The following SATB2 variants were observed in gnomAD, a reference collection of about 807,000 sequenced individuals.
SATB2 encodes SATB homeobox 2.
Under a neutral mutation model 73.4 loss-of-function variants are expected in SATB2, and 1 was observed. The observed-to-expected ratio is 0.01, with a 90% CI of 0.00 to 0.06. SATB2 has a LOEUF of 0.06. Ranked by LOEUF, SATB2 falls within the 10% of genes least tolerant of loss-of-function variation. SATB2 has a pLI of 1.00. For synonymous variants in SATB2, 397 were observed against 367.0 expected (o/e 1.08, Z -0.93); for missense variants, 459 against 945.8 (o/e 0.49, Z 6.75).
At chr2:199,440,417 T>C (rs749998104) in intron 2 of SATB2, among the ~76,000 whole-genome samples, 3 of 152,224 alleles carry the variant, frequency 2.0e-5, no homozygotes, top group East Asian at 1.9e-4. Context: ...AATGGTTTAG[T>C]GTTCTCCTTA....
chr2:199,281,213 G>A (rs940608768), intron 10 of SATB2, among the ~76,000 whole-genome samples: 2 of 150,872 alleles, frequency 1.3e-5, no homozygotes, highest in African/African-American at 4.9e-5. Flanking sequence ...CAGCCTGGGT[G>A]ACAGAGCAAG....
chr2:199,279,286 T>G (rs1003877463), intron 10 of SATB2, among the ~76,000 whole-genome samples: 1 of 152,226 alleles, frequency 6.6e-6, no homozygotes, highest in Non-Finnish European at 1.5e-5. Flanking sequence ...AAAGACCTAA[T>G]GGTACCATGA....
upstream of SATB2, chr2:199,458,688 CT>C (rs1692375822): frequency 2.3e-6 from 1 of 442,632 alleles, no homozygotes; most frequent in Non-Finnish European, 4.5e-6. Flanking sequence ...GCTGCCTCGG[CT>C]CCCAGCTCTG....
chr2:199,321,521 CATATACAT>C (rs1411172169), intron 9 of SATB2, among the ~76,000 whole-genome samples: 5 of 150,476 alleles, frequency 3.3e-5, no homozygotes, highest in South Asian at 2.1e-4. Flanking sequence ...TATATACACA[CATATACAT>C]ATATACATAT....
chr2:199,339,447 C>T (rs1288733155), intron 7 of SATB2, among the ~76,000 whole-genome samples: 1 of 152,114 alleles, frequency 6.6e-6, no homozygotes, highest in African/African-American at 2.4e-5. Flanking sequence ...ATTTAATGTT[C>T]TGAAATCAAA....
At chr2:199,332,118 TA>T (rs1688206786) in intron 7 of SATB2, among the ~76,000 whole-genome samples, 1 of 152,166 alleles carries the variant, frequency 6.6e-6, no homozygotes, top group Non-Finnish European at 1.5e-5. Flanking sequence ...TTAACCAGGA[TA>T]TAGCTTATTA....
In SATB2 at chr2:199,333,505, G is replaced by A. The variant is rs966779184; in HGVS notation, c.1174-4595C>T. Among the ~76,000 whole-genome samples the A allele has an allele frequency of 7.2e-5, 11 of 152,060 alleles. No individual in the cohort carries two copies. In the East Asian group the frequency reaches 1.9e-3, roughly 27 times the overall value. ...AATATTGGGCAGCGTGTGAAGCTGG[G>A]GAGTATTAGAACATTTGAAGAAAGC... On this transcript the variant is annotated intron_variant, in intron 7 of 10. Transcript: ENST00000417098.
At chr2:199,332,910 G>C (rs1017238692) in intron 7 of SATB2, among the ~76,000 whole-genome samples, 2 of 152,208 alleles carry the variant, frequency 1.3e-5, no homozygotes, top group Middle Eastern at 3.4e-3. Context: ...CCCTGGAAGA[G>C]AGCAATAAGA....
At chr2:199,285,610 T>A (rs1354515191) in intron 10 of SATB2, among the ~76,000 whole-genome samples, 2 of 151,968 alleles carry the variant, frequency 1.3e-5, no homozygotes, top group African/African-American at 4.8e-5. Context: ...CATGAAGTGA[T>A]GACAAATTGC....
intron 3 of SATB2, among the ~76,000 whole-genome samples, chr2:199,405,168 A>G (rs1690593938): frequency 6.6e-6 from 1 of 152,220 alleles, no homozygotes; most frequent in Non-Finnish European, 1.5e-5. Flanking sequence ...GCTAAGAGAT[A>G]GGTGTGAGCC....
chr2:199,284,220 T>C (rs540410572), intron 10 of SATB2, among the ~76,000 whole-genome samples: 1 of 152,354 alleles, frequency 6.6e-6, no homozygotes, highest in Admixed American at 6.5e-5. Flanking sequence ...GTTTTGCTTT[T>C]AAATATGTCA....
At chr2:199,347,076 T>G (rs1294157976) in intron 7 of SATB2, 1 of 152,254 alleles carries the variant, frequency 6.6e-6, no homozygotes, top group Non-Finnish European at 1.5e-5. Context: ...TTTACCATCT[T>G]GCCCAGGCTG....
chr2:199,306,148 T>C (rs1218065148), intron 10 of SATB2, among the ~76,000 whole-genome samples: 8 of 152,288 alleles, frequency 5.3e-5, no homozygotes, highest in Middle Eastern at 3.4e-3. Context: ...CAGACCTTTT[T>C]ATAGTAGCTT....
chr2:199,415,044 TAG>T (rs1690933690), intron 3 of SATB2, among the ~76,000 whole-genome samples: 1 of 152,164 alleles, frequency 6.6e-6, no homozygotes, highest in African/African-American at 2.4e-5. Context: ...GAAAAGTTTA[TAG>T]AATGAGTGCA....
chr2:199,391,773 G>A (rs1690150221), intron 3 of SATB2, among the ~76,000 whole-genome samples: 1 of 152,056 alleles, frequency 6.6e-6, no homozygotes, highest in South Asian at 2.1e-4. Flanking sequence ...AACATACATG[G>A]TGATAAATAA....
chr2:199,345,069 T>A (rs965018713), intron 7 of SATB2, among the ~76,000 whole-genome samples: 1 of 152,060 alleles, frequency 6.6e-6, no homozygotes, highest in Non-Finnish European at 1.5e-5. Flanking sequence ...CTCCCTCTTC[T>A]TCCTTCTCCA....
chr2:199,361,191 G>C (rs766962757), intron 6 of SATB2, among the ~76,000 whole-genome samples: 24 of 152,104 alleles, frequency 1.6e-4, no homozygotes, highest in Non-Finnish European at 2.5e-4. Context: ...TTTCTACCTA[G>C]TTGTCAAAAT....
chr2:199,372,244 C>T (rs10931863), intron 5 of SATB2, among the ~76,000 whole-genome samples: 19,443 of 151,888 alleles, frequency 0.13, 1,458 homozygotes, highest in South Asian at 0.32. Context: ...ATTTAGTTGG[C>T]CATTAATATC....
chr2:199,303,382 G>A (rs1036078021), intron 10 of SATB2, among the ~76,000 whole-genome samples: 12 of 152,108 alleles, frequency 7.9e-5, no homozygotes, highest in African/African-American at 2.4e-4. Flanking sequence ...AGGCAGGGGC[G>A]GAGGAAGAAG....
Sources: gnomAD v4.1 joint callset for allele counts (sites outside exome capture counted in the v4.1 genomes callset) on GRCh38, gnomAD v4.1.1 for gene constraint, MANE v1.5 for transcripts, NCBI Gene and HGNC (gene_info 2026-07-23, HGNC 2026-07-21) for gene names.